PRPSAP1: variants seen among roughly 807,000 people sequenced by gnomAD.
The protein encoded by PRPSAP1 is phosphoribosyl pyrophosphate synthetase associated protein 1, also known as phosphoribosyl pyrophosphate synthase-associated protein 1.
A neutral mutation model predicts 39.4 loss-of-function variants in PRPSAP1; 31 were observed. The observed-to-expected ratio is 0.79, with a 90% CI of 0.59 to 1.06. The LOEUF is 1.06. PRPSAP1 is among the 50% of genes least tolerant of loss of function. PRPSAP1 has a pLI of 0.00. For missense variants in PRPSAP1, 430 were observed against 511.6 expected (o/e 0.84, Z 1.54); for synonymous variants, 212 against 192.6 (o/e 1.10, Z -0.83).
chr17:76,315,633 G>C (rs1047832964), intron 7 of PRPSAP1, among the ~76,000 whole-genome samples: 2 of 151,158 alleles, frequency 1.3e-5, no homozygotes, highest in African/African-American at 4.9e-5. Context: ...CCAACATTAG[G>C]AGCAGCTTCC....
chr17:76,313,989 T>A, intron 7 of PRPSAP1, 98 bp from the exon 8 acceptor site: 2 of 1,278,244 alleles, frequency 1.6e-6, no homozygotes, highest in Non-Finnish European at 1.1e-6. Context: ...GCAAAACCAC[T>A]ATACAGACAA....
At chr17:76,331,498 A>G in intron 4 of PRPSAP1, among the ~76,000 whole-genome samples, 1 of 152,256 alleles carries the variant, frequency 6.6e-6, no homozygotes, top group Non-Finnish European at 1.5e-5. Context: ...CAGCATAACA[A>G]CAATTTATAT....
At chr17:76,344,166 A>G (rs1465203843) in intron 3 of PRPSAP1, among the ~76,000 whole-genome samples, 1 of 146,952 alleles carries the variant, frequency 6.8e-6, no homozygotes, top group Non-Finnish European at 1.5e-5. Context: ...CTTGCTCTGT[A>G]GCCCAGGCTG....
chr17:76,311,471 A>T lies in PRPSAP1; in HGVS notation c.*71T>A. On this transcript the variant is annotated 3_prime_UTR_variant, in exon 10 of 10. Coordinates refer to ENST00000446526, the MANE Select transcript of PRPSAP1 (RefSeq NM_002766.3). Reference sequence around the variant, plus strand: ...TTCGAGTCCTCCCTTGCAAGGAAACACTGTATCACTCATGGCACTGCTTTT... The same window carrying T: ...TTCGAGTCCTCCCTTGCAAGGAAACTCTGTATCACTCATGGCACTGCTTTT... The T allele has an allele frequency of 6.7e-7, 1 of 1,501,268 alleles. No individual in the cohort carries two copies. The allele number at this position is 1,501,268 out of a possible 1,614,324, so 93.0% of individuals were successfully genotyped here.
In PRPSAP1 at chr17:76,328,763, CG is replaced by C. The variant is rs1567802628; in HGVS notation, c.734del (p.Pro245ArgfsTer17). On this transcript the variant is annotated frameshift_variant, in exon 7 of 10. Transcript: ENST00000446526. LOFTEE classifies it high-confidence loss of function. ...ELDMDDGRHSPPMVKNATVHP... is the reference protein window; with the variant it reads ...ELDMDDGRHSXPMVKNATVHP... ...GCACAGTAGCATTTTTGACCATAGG[CG>C]GGGAGTGACGACCATCGTCCATGTC... The C allele has an allele frequency of 6.2e-7, 1 of 1,613,962 alleles. No individual in the cohort carries two copies. The highest frequency in any genetic ancestry group is 1.3e-5 in the African/African-American group (1 of 74,878).
At chr17:76,338,047 T>A (rs369222771) in intron 3 of PRPSAP1, among the ~76,000 whole-genome samples, 1 of 152,326 alleles carries the variant, frequency 6.6e-6, no homozygotes, top group East Asian at 1.9e-4. Context: ...GGAAAATCTC[T>A]GAGTATCGCA....
At chr17:76,325,278 G>C (rs973457366) in intron 7 of PRPSAP1, among the ~76,000 whole-genome samples, 2 of 146,732 alleles carry the variant, frequency 1.4e-5, no homozygotes, top group African/African-American at 5.0e-5. Flanking sequence ...GCGTGGTAGC[G>C]GGTGCCTGTA....
At chr17:76,335,075 C>T (rs1053339719) in intron 3 of PRPSAP1, among the ~76,000 whole-genome samples, 3 of 152,112 alleles carry the variant, frequency 2.0e-5, no homozygotes, top group African/African-American at 7.2e-5. Flanking sequence ...TGTGTGGTCC[C>T]CTTCCCAGAG....
In PRPSAP1 at chr17:76,332,439, A is replaced by G. The variant is rs2071332490; in HGVS notation, c.291-4T>C. The G allele has an allele frequency of 1.2e-6, 2 of 1,613,680 alleles. No individual in the cohort carries two copies. The highest frequency in any genetic ancestry group is 1.7e-5 in the Admixed American group (1 of 59,990). On this transcript the variant is annotated splice_polypyrimidine_tract_variant and splice_region_variant and intron_variant, in intron 3 of 9. Coordinates refer to ENST00000446526, the MANE Select transcript of PRPSAP1 (RefSeq NM_002766.3). ...CATCACAGCTGTATTCACATCTCTGAAACAGTCAAAGTTTGTATTTGGGGA... is the reference window on the plus strand; with the variant it reads ...CATCACAGCTGTATTCACATCTCTGGAACAGTCAAAGTTTGTATTTGGGGA...
intron 1 of PRPSAP1, among the ~76,000 whole-genome samples, chr17:76,349,316 A>T (rs2143552919): frequency 6.6e-6 from 1 of 152,136 alleles, no homozygotes; most frequent in South Asian, 2.1e-4. Flanking sequence ...AAAAAAAAAA[A>T]AGCCATTTTA....
chr17:76,311,960 G>A (rs1024447218), intron 9 of PRPSAP1, among the ~76,000 whole-genome samples: 1 of 152,172 alleles, frequency 6.6e-6, no homozygotes, highest in Admixed American at 6.5e-5. Context: ...CCAGTGCTAT[G>A]CAAAACTCTC....
chr17:76,350,501 T>G (rs532343560), intron 1 of PRPSAP1, among the ~76,000 whole-genome samples: 1 of 151,584 alleles, frequency 6.6e-6, no homozygotes, highest in East Asian at 1.9e-4. Context: ...GGACAAGGTA[T>G]GCTGAGGAAA....
In PRPSAP1 at chr17:76,330,572, C is replaced by T; in HGVS notation, c.558G>A (p.Leu186=). The T allele has an allele frequency of 6.2e-7, 1 of 1,607,568 alleles. No homozygotes were observed. Among genetic ancestry groups the T allele is most frequent in the Non-Finnish European group, 8.5e-7 (1 of 1,175,134 alleles). ...TCACTTCTTCCTGGATATACTGAAG[C>T]AGGAAAGGTGAGGCTCTAAGGTTGT... ...PVDNLRASPF[L]LQYIQEEIPN... The change falls in exon 5 of 10, where the codon CTG becomes CTA. Residue 186 remains leucine, a synonymous_variant. Coordinates refer to ENST00000446526, the MANE Select transcript of PRPSAP1 (RefSeq NM_002766.3).
intron 7 of PRPSAP1, among the ~76,000 whole-genome samples, chr17:76,316,874 C>T (rs570979059): frequency 4.9e-4 from 75 of 152,350 alleles, no homozygotes; most frequent in African/African-American, 1.4e-3. Context: ...ACCTTACGCA[C>T]GCTTCCATCA....
chr17:76,313,978 G>A, intron 7 of PRPSAP1, 87 bp from the exon 8 acceptor site: 10 of 1,410,904 alleles, frequency 7.1e-6, no homozygotes, highest in African/African-American at 1.4e-5. Context: ...TGGAAATGGT[G>A]GCAAAACCAC....
intron 4 of PRPSAP1, among the ~76,000 whole-genome samples, chr17:76,331,863 G>C (rs1447446966): frequency 6.6e-6 from 1 of 152,058 alleles, no homozygotes; most frequent in Admixed American, 6.6e-5. Context: ...AGGCAAGGGT[G>C]GGGGAGAGGG....
chr17:76,317,121 T>G (rs993672987), intron 7 of PRPSAP1, among the ~76,000 whole-genome samples: 1 of 152,224 alleles, frequency 6.6e-6, no homozygotes, highest in Non-Finnish European at 1.5e-5. Flanking sequence ...CCCAGCACTT[T>G]GGCAGATCAC....
In PRPSAP1 at chr17:76,318,765, G is replaced by C. The variant is rs187894218; in HGVS notation, c.782-4874C>G. ...TGTAAACATACCACTATGTCTAGAA[G>C]TAATGCACTCTTTTCCTATGACACA... On this transcript the variant is annotated intron_variant, in intron 7 of 9. Transcript: ENST00000446526. Among the ~76,000 whole-genome samples the C allele has an allele frequency of 2.2e-3, 341 of 152,290 alleles. 1 individual carries two copies. The highest frequency in any genetic ancestry group is 2.1e-3 in the Non-Finnish European group (146 of 68,028).
intron 7 of PRPSAP1, among the ~76,000 whole-genome samples, chr17:76,317,717 G>A (rs1166134579): frequency 2.0e-5 from 3 of 152,108 alleles, no homozygotes; most frequent in Non-Finnish European, 2.9e-5. Flanking sequence ...AAATTAAGAA[G>A]CCAGGAAAAG....
Sources: gnomAD v4.1 joint callset for allele counts (sites outside exome capture counted in the v4.1 genomes callset) on GRCh38, gnomAD v4.1.1 for gene constraint, MANE v1.5 for transcripts, NCBI Gene and HGNC (gene_info 2026-07-23, HGNC 2026-07-21) for gene names.